Variants in MID1 observed in about 807,000 individuals in gnomAD.
MID1 encodes the protein E3 ubiquitin-protein ligase Midline-1.
Under a neutral mutation model 40.4 loss-of-function variants are expected in MID1, and 7 were observed. The ratio of observed to expected loss-of-function variants is 0.17; its 90% confidence interval spans 0.10 to 0.33. The LOEUF is 0.33. Ranked by LOEUF, MID1 falls within the 10% of genes least tolerant of loss-of-function variation. The pLI, the probability that MID1 is intolerant of heterozygous loss-of-function variation, is 1.00. For missense variants in MID1, 367 were observed against 558.5 expected (o/e 0.66, Z 3.46); for synonymous variants, 229 against 221.2 (o/e 1.04, Z -0.31).
intron 2 of MID1, among the ~76,000 whole-genome samples, chrX:10,540,573 T>A (rs1322005721): frequency 9.0e-6 from 1 of 111,624 alleles, no homozygotes; most frequent in Non-Finnish European, 1.9e-5. Flanking sequence ...AGGTCTATTA[T>A]TCCAATTTAG....
intron 2 of MID1, among the ~76,000 whole-genome samples, chrX:10,559,719 T>C (rs1934257539): frequency 9.0e-6 from 1 of 111,691 alleles, no homozygotes; most frequent in African/African-American, 3.3e-5. Context: ...ATGTGCTTCC[T>C]GCCACCATCA....
chrX:10,821,008 A>C (rs1254902732), intron 1 of MID1, among the ~76,000 whole-genome samples: 2 of 112,349 alleles, frequency 1.8e-5, no homozygotes, highest in African/African-American at 6.5e-5. Flanking sequence ...AACTCACAAG[A>C]GACTGGATTT....
chrX:10,677,633 G>A (rs1569144857), intron 1 of MID1: 1 of 112,712 alleles, frequency 8.9e-6, no homozygotes, highest in Non-Finnish European at 1.9e-5. Flanking sequence ...TTGGGGCTTT[G>A]AAACAAAATG....
intron 3 of MID1, among the ~76,000 whole-genome samples, chrX:10,519,415 C>T (rs1342645791): frequency 9.0e-6 from 1 of 111,590 alleles, no homozygotes; most frequent in Non-Finnish European, 1.9e-5. Context: ...CAACAAGGCT[C>T]AACATGTTCC....
chrX:10,544,167 T>C (rs978759666), intron 2 of MID1, among the ~76,000 whole-genome samples: 2 of 111,924 alleles, frequency 1.8e-5, no homozygotes, highest in African/African-American at 6.5e-5. Flanking sequence ...TTGCTTCTTA[T>C]GGCATCGTTC....
intron 9 of MID1, 102 bp downstream of exon 9, chrX:10,454,768 C>T (rs754475720): frequency 2.7e-6 from 2 of 734,186 alleles, no homozygotes; most frequent in African/African-American, 2.1e-5. Flanking sequence ...AACTTTTCTG[C>T]ATTTTATTCT....
At chrX:10,474,902 G>A (rs1247864403) in intron 5 of MID1, 152 bp from the exon 6 acceptor site, 2 of 538,972 alleles carry the variant, frequency 3.7e-6, no homozygotes, top group Non-Finnish European at 6.4e-6. Context: ...TCACAACACA[G>A]TAACATAAAA....
At chrX:10,544,996 A>T (rs1453230185) in intron 2 of MID1, among the ~76,000 whole-genome samples, 1 of 111,862 alleles carries the variant, frequency 8.9e-6, no homozygotes, top group Non-Finnish European at 1.9e-5. Context: ...TCGCTGTCTC[A>T]CCTAGGCTGA....
chrX:10,784,571 G>C (rs777903526), intron 1 of MID1, among the ~76,000 whole-genome samples: 1 of 104,610 alleles, frequency 9.6e-6, no homozygotes, highest in Non-Finnish European at 1.9e-5. Context: ...TCAGCCTCCC[G>C]AGTACCTGGG....
At chrX:10,607,406 C>T (rs903631652) in intron 1 of MID1, among the ~76,000 whole-genome samples, 2 of 111,937 alleles carry the variant, frequency 1.8e-5, no homozygotes, top group South Asian at 7.5e-4. Flanking sequence ...GCCAGGGATA[C>T]AGCTAAACAT....
At chrX:10,506,337 C>T in intron 3 of MID1, 2 of 1,086,128 alleles carry the variant, frequency 1.8e-6, no homozygotes, top group Non-Finnish European at 2.4e-6. Flanking sequence ...AATGGATGGT[C>T]AAATTGTTGC....
At chrX:10,720,913 C>T (rs1021994639) in intron 1 of MID1, among the ~76,000 whole-genome samples, 4 of 109,429 alleles carry the variant, frequency 3.7e-5, no homozygotes, top group Non-Finnish European at 7.6e-5. Flanking sequence ...ATGGATGAAG[C>T]TGGAAACCAT....
chrX:10,746,809 T>C (rs2037775898), intron 1 of MID1, among the ~76,000 whole-genome samples: 1 of 108,369 alleles, frequency 9.2e-6, no homozygotes, highest in African/African-American at 3.3e-5. Flanking sequence ...ATTATTATTA[T>C]ATATATTACG....
intron 1 of MID1, among the ~76,000 whole-genome samples, chrX:10,783,829 C>T (rs1301493844): frequency 1.8e-5 from 2 of 110,468 alleles, no homozygotes; most frequent in African/African-American, 6.6e-5. Flanking sequence ...CCTCTACCTC[C>T]ATCAAAATTG....
intron 2 of MID1, among the ~76,000 whole-genome samples, chrX:10,562,371 T>TAAAAAA (rs760465620): frequency 8.5e-4 from 38 of 44,743 alleles, no homozygotes; most frequent in Non-Finnish European, 1.1e-3. Context: ...GAACTTAAAG[T>TAAAAAA]AAAAAAAAAA....
chrX:10,574,230 G>A (rs1427424196), intron 1 of MID1, among the ~76,000 whole-genome samples: 1 of 111,670 alleles, frequency 9.0e-6, no homozygotes, highest in Non-Finnish European at 1.9e-5. Context: ...GCAGGAAGAA[G>A]AGTCAGAGTC....
rs192049862 is a variant in MID1, at chrX:10,702,241, T to A, written c.-186-81822A>T. On this transcript the variant is annotated intron_variant, in intron 1 of 10. Transcript: ENST00000380785. ...TGTGGTTTCGAAATTTCCCTTTTTT[T>A]AATTACAGTGAGTAAACTATTTGGC... 4.0e-3 allele frequency among the ~76,000 whole-genome samples: 455 copies of A among 112,423 alleles called. 5 individuals are homozygous for A. Among genetic ancestry groups the A allele is most frequent in the African/African-American group, 0.014 (438 of 31,019 alleles).
chrX:10,825,003 A>G (rs2044205288), intron 1 of MID1, among the ~76,000 whole-genome samples: 1 of 111,975 alleles, frequency 8.9e-6, no homozygotes, highest in African/African-American at 3.2e-5. Context: ...GTTTTTCTAT[A>G]GGAACATAAG....
chrX:10,649,967 T>C (rs767996130), intron 1 of MID1, among the ~76,000 whole-genome samples: 1 of 111,866 alleles, frequency 8.9e-6, no homozygotes, highest in African/African-American at 3.2e-5. Context: ...AAAAAGTATA[T>C]GAAAATAAAC....
Sources: gnomAD v4.1 joint callset for allele counts (sites outside exome capture counted in the v4.1 genomes callset) on GRCh38, gnomAD v4.1.1 for gene constraint, MANE v1.5 for transcripts, NCBI Gene and HGNC (gene_info 2026-07-23, HGNC 2026-07-21) for gene names.